Variants in XIRP2 observed in about 807,000 individuals in gnomAD.
XIRP2 encodes the protein xin actin-binding repeat-containing protein 2.
A neutral mutation model predicts 277.0 loss-of-function variants in XIRP2; 236 were observed. The observed-to-expected ratio is 0.85, with a 90% CI of 0.77 to 0.95. The LOEUF (loss-of-function observed/expected upper bound fraction) is 0.95, where lower values mean the gene tolerates loss of function less well. XIRP2 is among the 40% of genes least tolerant of loss of function. The probability of loss-of-function intolerance (pLI) is 0.00; values close to 1 mark genes in which losing one functional copy is unlikely to be tolerated. For missense variants in XIRP2, 4,640 were observed against 4,157.5 expected, an observed-to-expected ratio of 1.12 and a Z score of -3.19; for synonymous variants, 1,490 against 1,416.5, an observed-to-expected ratio of 1.05 and a Z score of -1.17.
intron 2 of XIRP2, among the ~76,000 whole-genome samples, chr2:167,064,076 T>C (rs1253405235): frequency 6.6e-6 from 1 of 151,746 alleles, no homozygotes; most frequent in East Asian, 1.9e-4. Context: ...TTTTATAAAG[T>C]CTGTTGTATT....
At chr2:166,960,846 G>T (rs1034698442) in intron 2 of XIRP2, among the ~76,000 whole-genome samples, 1 of 151,706 alleles carries the variant, frequency 6.6e-6, no homozygotes, top group African/African-American at 2.4e-5. Context: ...CTACTTTGAA[G>T]CACTTATTGG....
At chr2:166,949,963 C>T (rs998755783) in intron 2 of XIRP2, among the ~76,000 whole-genome samples, 1 of 151,920 alleles carries the variant, frequency 6.6e-6, no homozygotes, top group African/African-American at 2.4e-5. Context: ...ATTTTACCTA[C>T]CTTTTCTAAA....
intron 2 of XIRP2, among the ~76,000 whole-genome samples, chr2:167,022,593 T>A (rs964325620): frequency 4.6e-5 from 7 of 150,858 alleles, no homozygotes; most frequent in Middle Eastern, 3.4e-3. Flanking sequence ...ATGCTATCCC[T>A]CCCCCCTACC....
rs200534102 is a variant in XIRP2 at position 166,994,493 on chromosome 2, A to T, written c.408+90603A>T. Among the ~76,000 whole-genome samples, 213 of 31,026 alleles carry T rather than the reference A, an allele frequency of 6.9e-3. 1 individual carries two copies. Among genetic ancestry groups the T allele is most frequent in the Middle Eastern group, 0.019 (2 of 106 alleles). The allele number at this position is 31,026 out of a possible 152,430, so 20.4% of individuals were successfully genotyped here. On this transcript the variant is annotated intron_variant, in intron 2 of 10. Transcript: ENST00000409195. ...AGAGTATAATAAAAAAAAAAAAATT[A>T]AAAAAAAAAAAAAAAATTTGAAGGC...
At chr2:167,130,573 A>G (rs1691343714) in intron 2 of XIRP2, among the ~76,000 whole-genome samples, 1 of 152,156 alleles carries the variant, frequency 6.6e-6, no homozygotes, top group South Asian at 2.1e-4. Context: ...TGCTTTGCCA[A>G]GTATTCACAC....
rs765943151 is a variant in XIRP2 at position 167,259,358 on chromosome 2, G to A, written c.*1541G>A. On this transcript the variant is annotated 3_prime_UTR_variant, in exon 11 of 11. Transcript: ENST00000409195. ...AAGAAACAGGTGCTACAGTGACACT[G>A]AGTAAAATATCTATGGCCACTGACA... 1.9e-6 allele frequency: 3 copies of A among 1,599,896 alleles called. No individual in the cohort carries two copies. The highest frequency in any genetic ancestry group is 2.6e-6 in the Non-Finnish European group (3 of 1,174,454).
chr2:167,240,105 G>T, intron 6 of XIRP2, 140 bp downstream of exon 6: 1 of 822,176 alleles, frequency 1.2e-6, no homozygotes, highest in Admixed American at 3.9e-5. Flanking sequence ...CCACTTTCAA[G>T]TTGGAATTCT....
chr2:166,964,797 C>T (rs751094775), intron 2 of XIRP2, among the ~76,000 whole-genome samples: 18 of 151,960 alleles, frequency 1.2e-4, no homozygotes, highest in Non-Finnish European at 2.2e-4. Context: ...GCAGCCTTCA[C>T]GGTCCCACTC....
intron 3 of XIRP2, among the ~76,000 whole-genome samples, chr2:167,201,246 G>T (rs1385077488): frequency 1.0e-5 from 1 of 96,720 alleles, no homozygotes; most frequent in Non-Finnish European, 1.8e-5. Context: ...AAGAAAGAAA[G>T]AAAGAAAGAA....
At chr2:166,930,881 C>CT (rs944354642) in intron 2 of XIRP2, among the ~76,000 whole-genome samples, 10 of 152,064 alleles carry the variant, frequency 6.6e-5, no homozygotes, top group African/African-American at 2.4e-4. Context: ...GAGTAGTTAG[C>CT]TGTGTTACTT....
At chr2:167,006,424 A>T (rs544810533) in intron 2 of XIRP2, among the ~76,000 whole-genome samples, 1 of 151,750 alleles carries the variant, frequency 6.6e-6, no homozygotes. Context: ...AAAACCTTGT[A>T]TACAAAGAAC....
intron 2 of XIRP2, among the ~76,000 whole-genome samples, chr2:167,029,618 T>C (rs1233215386): frequency 6.6e-6 from 1 of 152,132 alleles, no homozygotes; most frequent in Non-Finnish European, 1.5e-5. Context: ...CAGTATTTTA[T>C]TGAGAATTTT....
At chr2:166,962,042 C>T (rs1473041) in intron 2 of XIRP2, among the ~76,000 whole-genome samples, 79,406 of 151,284 alleles carry the variant, frequency 0.52, 22,922 homozygotes, top group East Asian at 0.82. Context: ...CATAAAAGTT[C>T]AAGGGAGGAA....
At chr2:167,150,137 A>T (rs377208972) in intron 3 of XIRP2, among the ~76,000 whole-genome samples, 1 of 150,850 alleles carries the variant, frequency 6.6e-6, no homozygotes, top group African/African-American at 2.4e-5. Context: ...ATAAGACAAA[A>T]TTGTTCATTC....
intron 2 of XIRP2, among the ~76,000 whole-genome samples, chr2:167,010,099 G>C (rs938575826): frequency 6.6e-6 from 1 of 151,952 alleles, no homozygotes; most frequent in South Asian, 2.1e-4. Context: ...TTTGTCTTTT[G>C]TTGCCATTGC....
chr2:166,965,719 G>A (rs1347189947), intron 2 of XIRP2, among the ~76,000 whole-genome samples: 1 of 151,722 alleles, frequency 6.6e-6, no homozygotes, highest in East Asian at 2.0e-4. Flanking sequence ...AAGTAGCTGG[G>A]AACACAAGCA....
At chr2:167,024,168 C>T (rs552374630) in intron 2 of XIRP2, among the ~76,000 whole-genome samples, 9 of 152,202 alleles carry the variant, frequency 5.9e-5, no homozygotes, top group East Asian at 1.9e-4. Context: ...AGGTCCCTCA[C>T]GTCCCTTTTA....
chr2:167,141,851 AC>A (rs1449505633), intron 3 of XIRP2, among the ~76,000 whole-genome samples: 1 of 151,926 alleles, frequency 6.6e-6, no homozygotes, highest in Non-Finnish European at 1.5e-5. Flanking sequence ...ACAGAGCAAG[AC>A]CCTGTCTCAA....
chr2:167,128,460 A>G (rs1225249152), intron 2 of XIRP2, among the ~76,000 whole-genome samples: 1 of 152,082 alleles, frequency 6.6e-6, no homozygotes, highest in Non-Finnish European at 1.5e-5. Context: ...GCGAGCTGGG[A>G]AACCCGTGAA....
Sources: gnomAD v4.1 joint callset for allele counts (sites outside exome capture counted in the v4.1 genomes callset) on GRCh38, gnomAD v4.1.1 for gene constraint, MANE v1.5 for transcripts, NCBI Gene and HGNC (gene_info 2026-07-23, HGNC 2026-07-21) for gene names.